PAX3: variants seen among roughly 807,000 people sequenced by gnomAD.
PAX3 encodes the protein paired box protein Pax-3.
In PAX3, 14 loss-of-function variants were observed where a neutral mutation model predicts 51.6. That is an observed-to-expected ratio of 0.27 (90% confidence interval 0.18 to 0.42). PAX3 has a LOEUF of 0.42. PAX3 is among the 10% of genes least tolerant of loss of function. The pLI, the probability that PAX3 is intolerant of heterozygous loss-of-function variation, is 1.00. For missense variants in PAX3, 540 were observed against 642.8 expected, an observed-to-expected ratio of 0.84 and a Z score of 1.73; for synonymous variants, 280 against 253.4, an observed-to-expected ratio of 1.11 and a Z score of -1.00.
At chr2:222,279,046 G>A (rs1442871418) in intron 4 of PAX3, among the ~76,000 whole-genome samples, 1 of 152,158 alleles carries the variant, frequency 6.6e-6, no homozygotes, top group Non-Finnish European at 1.5e-5. Context: ...TGCTTCCCAG[G>A]TTCAAACAAT....
Position 222,239,354 on chromosome 2 carries a change from G to A in PAX3, c.587-7071C>T, listed in dbSNP as rs575861736. Among the ~76,000 whole-genome samples the A allele has an allele frequency of 1.4e-4, 21 of 152,102 alleles. No individual in the cohort carries two copies. In the East Asian group the frequency reaches 3.5e-3, roughly 25 times the overall value. ...GTTTTTTTTTCAGAGAGAGAAGGAG[G>A]GGGGAGGTTGAAATGGATACACAGT... On this transcript the variant is annotated intron_variant, in intron 4 of 8. Coordinates refer to ENST00000392070, the MANE Select transcript of PAX3 (RefSeq NM_181458.4).
chr2:222,202,122 A>G lies in PAX3; in HGVS notation c.1242T>C (p.Pro414=). ...HQPQTDYALS[P]LTGGLEPTTT... ...TGGTAGGTTCCAGACCCCCGGTGAG[A>G]GGGGAGAGCGCGTAATCAGTCTGGG... is the stretch of plus-strand genomic sequence containing the variant. The change falls in exon 8 of 9, where the codon CCT becomes CCC. Residue 414 remains proline, a synonymous_variant. Transcript: ENST00000392070. 6.2e-7 allele frequency: 1 copy of G among 1,613,516 alleles called. No homozygotes were observed. Among genetic ancestry groups the G allele is most frequent in the Non-Finnish European group, 8.5e-7 (1 of 1,179,772 alleles).
At chr2:222,279,010 G>A in intron 4 of PAX3, among the ~76,000 whole-genome samples, 1 of 152,150 alleles carries the variant, frequency 6.6e-6, no homozygotes, top group Non-Finnish European at 1.5e-5. Flanking sequence ...GAGTGCAGTG[G>A]TGCGATCTTG....
At chr2:222,203,470 T>G (rs936974286) in intron 7 of PAX3, among the ~76,000 whole-genome samples, 2 of 152,060 alleles carry the variant, frequency 1.3e-5, no homozygotes, top group African/African-American at 2.4e-5. Flanking sequence ...TTTTAGGAAG[T>G]GTGAAGCCTA....
chr2:222,236,377 C>T (rs922016543), intron 4 of PAX3, among the ~76,000 whole-genome samples: 1 of 152,140 alleles, frequency 6.6e-6, no homozygotes, highest in Non-Finnish European at 1.5e-5. Context: ...TACAGACTCA[C>T]ACCACCTGGC....
intron 4 of PAX3, among the ~76,000 whole-genome samples, chr2:222,253,431 G>C (rs1693513975): frequency 6.6e-6 from 1 of 152,070 alleles, no homozygotes; most frequent in African/African-American, 2.4e-5. Flanking sequence ...GTATGACTTA[G>C]CATCCAAAAC....
At chr2:222,271,486 A>G (rs904408683) in intron 4 of PAX3, among the ~76,000 whole-genome samples, 21 of 152,222 alleles carry the variant, frequency 1.4e-4, no homozygotes, top group African/African-American at 4.8e-4. Flanking sequence ...TAACGATTAT[A>G]TCTTGCAGTT....
At chr2:222,285,213 G>A (rs1009407926) in intron 4 of PAX3, among the ~76,000 whole-genome samples, 1 of 152,126 alleles carries the variant, frequency 6.6e-6, no homozygotes, top group African/African-American at 2.4e-5. Flanking sequence ...CACATGCTTT[G>A]GCCAAGATTT....
At chr2:222,250,173 C>T (rs1401916650) in intron 4 of PAX3, among the ~76,000 whole-genome samples, 2 of 152,114 alleles carry the variant, frequency 1.3e-5, no homozygotes, top group South Asian at 2.1e-4. Context: ...ATGTGCATGT[C>T]TTTACACTCA....
intron 4 of PAX3, among the ~76,000 whole-genome samples, chr2:222,243,967 A>C (rs1693116094): frequency 6.6e-6 from 1 of 152,184 alleles, no homozygotes; most frequent in Non-Finnish European, 1.5e-5. Flanking sequence ...ACTGTGCAAG[A>C]AGTACTTCCC....
At chr2:222,219,103 T>A (rs954662487) in intron 7 of PAX3, among the ~76,000 whole-genome samples, 1 of 152,214 alleles carries the variant, frequency 6.6e-6, no homozygotes. Flanking sequence ...AAATCTCATT[T>A]TCTGCCTATT....
intron 4 of PAX3, among the ~76,000 whole-genome samples, chr2:222,277,669 C>T (rs1184606491): frequency 6.6e-6 from 1 of 152,168 alleles, no homozygotes; most frequent in African/African-American, 2.4e-5. Flanking sequence ...GTCGCAGTGG[C>T]TCACACCTGT....
At chr2:222,289,525 C>T (rs1371364773) in intron 4 of PAX3, among the ~76,000 whole-genome samples, 2 of 152,170 alleles carry the variant, frequency 1.3e-5, no homozygotes, top group African/African-American at 4.8e-5. Context: ...TTAAATGACC[C>T]TTCAGTAATT....
rs1305548051 is a variant in PAX3 at position 222,297,103 on chromosome 2, C to T, written c.196G>A (p.Gly66Ser). 1 of 1,613,884 alleles carries T rather than the reference C, an allele frequency of 6.2e-7. No individual in the cohort carries two copies. Among genetic ancestry groups the T allele is most frequent in the Admixed American group, 1.7e-5 (1 of 59,992 alleles). ...RHKIVEMAHHGIRPCVISRQL... is the reference protein window; with the variant it reads ...RHKIVEMAHHSIRPCVISRQL... The stretch of plus-strand genomic sequence containing the variant: ...CGCGAGATGACGCAGGGCCGGATGC[C>T]GTGGTGGGCCATCTCCACGATCTTG... The change falls in exon 2 of 9, where the codon GGC (glycine) becomes AGC (serine). Residue 66 changes from glycine (G) to serine (S), a missense_variant. Gly to Ser is a moderately conservative substitution (Grantham distance 56, BLOSUM62 0). Coordinates refer to ENST00000392070, the MANE Select transcript of PAX3 (RefSeq NM_181458.4).
At chr2:222,210,430 T>A (rs1341719569) in intron 7 of PAX3, among the ~76,000 whole-genome samples, 2 of 152,188 alleles carry the variant, frequency 1.3e-5, no homozygotes, top group East Asian at 1.9e-4. Flanking sequence ...TTACCCAGTA[T>A]CTATTGTTAT....
chr2:222,243,681 A>G (rs1162085617), intron 4 of PAX3, among the ~76,000 whole-genome samples: 1 of 152,178 alleles, frequency 6.6e-6, no homozygotes, highest in Non-Finnish European at 1.5e-5. Context: ...GCTTTTAACG[A>G]CACTTCCCAT....
chr2:222,297,917 G>T (rs1379590739), intron 1 of PAX3, among the ~76,000 whole-genome samples: 1 of 152,154 alleles, frequency 6.6e-6, no homozygotes, highest in Non-Finnish European at 1.5e-5. Context: ...CATTGAAAAC[G>T]GCTCAGGCTT....
chr2:222,209,047 G>A (rs975157563), intron 7 of PAX3, among the ~76,000 whole-genome samples: 1 of 152,042 alleles, frequency 6.6e-6, no homozygotes, highest in African/African-American at 2.4e-5. Context: ...AGTGAAAAGA[G>A]CTTCAACTCT....
chr2:222,292,546 C>T (rs991131484), intron 4 of PAX3, among the ~76,000 whole-genome samples: 2 of 152,210 alleles, frequency 1.3e-5, no homozygotes, highest in Non-Finnish European at 2.9e-5. Context: ...AGTCTGCCAG[C>T]GCCGGAGCCT....
Sources: allele counts gnomAD v4.1 joint callset (sites outside exome capture counted in the v4.1 genomes callset), GRCh38; gene constraint gnomAD v4.1.1; transcripts MANE v1.5; gene names NCBI Gene and HGNC (gene_info 2026-07-23, HGNC 2026-07-21).